ACCSL: variants seen among roughly 807,000 people sequenced by gnomAD.
The protein encoded by ACCSL is 1-aminocyclopropane-1-carboxylate synthase homolog (inactive) like, also known as probable inactive 1-aminocyclopropane-1-carboxylate synthase-like protein 2.
A neutral mutation model predicts 61.7 loss-of-function variants in ACCSL; 55 were observed. The observed-to-expected ratio is 0.89, with a 90% CI of 0.72 to 1.12. The LOEUF is 1.12. Among genes scored for constraint, ACCSL ranks in the 50% most tolerant of loss-of-function variants. ACCSL has a pLI of 0.00. For missense variants in ACCSL, 632 were observed against 698.0 expected (o/e 0.91, Z 1.07); for synonymous variants, 258 against 264.3 (o/e 0.98, Z 0.23).
At chr11:44,051,274 C>T in intron 3 of ACCSL, 61 bp from the exon 4 acceptor site, 1 of 1,555,984 alleles carries the variant, frequency 6.4e-7, no homozygotes, top group African/African-American at 1.4e-5. Context: ...CAATGACCAT[C>T]TAGACCATGA....
chr11:44,014,278 G>C, the ACCSL span, among the ~76,000 whole-genome samples: 1 of 152,198 alleles, frequency 6.6e-6, no homozygotes, highest in South Asian at 2.1e-4. Context: ...GCCCCTTGAG[G>C]TCCAGCTGCG....
the ACCSL span, among the ~76,000 whole-genome samples, chr11:44,015,427 G>A: frequency 6.6e-6 from 1 of 152,140 alleles, no homozygotes; most frequent in Non-Finnish European, 1.5e-5. Context: ...CTCCTCCAGT[G>A]GGAGACAGGG....
intron 9 of ACCSL, among the ~76,000 whole-genome samples, chr11:44,055,786 C>T (rs1018802827): frequency 6.6e-6 from 1 of 152,234 alleles, no homozygotes; most frequent in Non-Finnish European, 1.5e-5. Context: ...TTTGGCCAAG[C>T]TGTAGGAGAG....
chr11:44,046,688 T>C (rs1255952875), upstream of ACCSL, among the ~76,000 whole-genome samples: 2 of 151,496 alleles, frequency 1.3e-5, no homozygotes, highest in African/African-American at 2.4e-5. Flanking sequence ...TGTAGGGGGA[T>C]GTTACTTAGG....
At chr11:44,039,707 T>C in the ACCSL span, among the ~76,000 whole-genome samples, 3 of 152,212 alleles carry the variant, frequency 2.0e-5, no homozygotes, top group Non-Finnish European at 4.4e-5. Flanking sequence ...ACCTACTGAA[T>C]TGGAATCCTA....
the ACCSL span, among the ~76,000 whole-genome samples, chr11:44,040,246 T>G: frequency 1.3e-5 from 2 of 152,182 alleles, no homozygotes; most frequent in East Asian, 1.9e-4. Context: ...TTCTCAGTAG[T>G]TTGTAAGTAT....
chr11:44,055,929 A>G, intron 9 of ACCSL, 111 bp from the exon 10 acceptor site: 1 of 1,247,106 alleles, frequency 8.0e-7, no homozygotes, highest in Non-Finnish European at 1.1e-6. Flanking sequence ...TTTGGGCCCT[A>G]TAGGCCCTTC....
the ACCSL span, among the ~76,000 whole-genome samples, chr11:43,966,975 C>T: frequency 2.6e-5 from 4 of 151,862 alleles, no homozygotes; most frequent in African/African-American, 9.7e-5. Flanking sequence ...GCCTTTTCTT[C>T]CATATTTATC....
the ACCSL span, among the ~76,000 whole-genome samples, chr11:43,934,161 C>T: frequency 1.3e-5 from 2 of 152,146 alleles, no homozygotes; most frequent in African/African-American, 4.8e-5. Flanking sequence ...CACTGACAAC[C>T]CTTCTTGGAG....
At chr11:43,978,782 G>GTTT in the ACCSL span, among the ~76,000 whole-genome samples, 1 of 116,828 alleles carries the variant, frequency 8.6e-6, no homozygotes. Context: ...TGAGAAGGTG[G>GTTT]GTTTTTTTTT....
the ACCSL span, among the ~76,000 whole-genome samples, chr11:43,937,425 A>G: frequency 4.6e-5 from 7 of 152,226 alleles, no homozygotes; most frequent in Admixed American, 3.9e-4. Flanking sequence ...TGCAGGGCAG[A>G]CAGTCAAGTG....
the ACCSL span, among the ~76,000 whole-genome samples, chr11:44,028,928 G>A: frequency 6.6e-6 from 1 of 152,204 alleles, no homozygotes; most frequent in Non-Finnish European, 1.5e-5. Context: ...GTGTCCTTTA[G>A]AACAGGTGTG....
chr11:44,050,179 G>C, intron 2 of ACCSL, 58 bp downstream of exon 2: 1 of 1,438,462 alleles, frequency 7.0e-7, no homozygotes, highest in Non-Finnish European at 9.8e-7. Context: ...TCCCCCTAGC[G>C]TGCTCCTGAG....
chr11:44,004,795 A>G, the ACCSL span, among the ~76,000 whole-genome samples: 1 of 152,208 alleles, frequency 6.6e-6, no homozygotes, highest in Non-Finnish European at 1.5e-5. Context: ...GCAGAATTCT[A>G]GGCCCCTTCC....
At chr11:43,938,588 G>A in the ACCSL span, among the ~76,000 whole-genome samples, 5 of 152,030 alleles carry the variant, frequency 3.3e-5, no homozygotes, top group African/African-American at 1.2e-4. Flanking sequence ...TGGATCACCT[G>A]AGGTCAGGAG....
the ACCSL span, among the ~76,000 whole-genome samples, chr11:43,965,000 G>A: frequency 9.7e-3 from 1,481 of 152,298 alleles, 9 homozygotes; most frequent in Non-Finnish European, 0.017. Context: ...CTCAATGAAT[G>A]GCTGAAACTT....
At chr11:43,931,690 T>A in the ACCSL span, among the ~76,000 whole-genome samples, 1 of 152,204 alleles carries the variant, frequency 6.6e-6, no homozygotes, top group African/African-American at 2.4e-5. Flanking sequence ...CACAAAGTGC[T>A]TTTTGTTGGT....
chr11:44,058,294 G>A, intron 11 of ACCSL, 23 bp from the exon 12 acceptor site: 1 of 1,613,634 alleles, frequency 6.2e-7, no homozygotes, highest in East Asian at 2.2e-5. Flanking sequence ...ATCTGTGACA[G>A]TGTTTTTCCT....
At chr11:43,956,505 A>C in the ACCSL span, among the ~76,000 whole-genome samples, 5 of 151,722 alleles carry the variant, frequency 3.3e-5, no homozygotes, top group East Asian at 3.9e-4. Context: ...CTGCAACCTC[A>C]GCCTCCTGGG....
Sources: gnomAD v4.1 joint callset for allele counts (sites outside exome capture counted in the v4.1 genomes callset) on GRCh38, gnomAD v4.1.1 for gene constraint, MANE v1.5 for transcripts, NCBI Gene and HGNC (gene_info 2026-07-23, HGNC 2026-07-21) for gene names.